Variants in DIAPH3 observed in about 807,000 individuals in gnomAD.
The protein encoded by DIAPH3 is protein diaphanous homolog 3.
Under a neutral mutation model 144.3 loss-of-function variants are expected in DIAPH3, and 117 were observed. The ratio of observed to expected loss-of-function variants is 0.81; its 90% CI spans 0.70 to 0.95. DIAPH3 has a LOEUF of 0.95. Ranked by LOEUF, DIAPH3 falls within the 40% of genes least tolerant of loss-of-function variation. The pLI is 0.00. For synonymous variants in DIAPH3, 519 were observed against 488.9 expected (o/e 1.06, Z -0.81); for missense variants, 1,421 against 1,412.7 (o/e 1.01, Z -0.09).
Position 59,703,844 on chromosome 13 carries a change from T to C in DIAPH3, c.3320-36998A>G, listed in dbSNP as rs2034261541. Among the ~76,000 whole-genome samples the C allele has an allele frequency of 2.0e-5, 3 of 152,186 alleles. No individual in the cohort carries two copies. In the South Asian group the frequency reaches 6.2e-4, roughly 32 times the overall value. On this transcript the variant is annotated intron_variant, in intron 27 of 27. Coordinates refer to ENST00000400324, the MANE Select transcript of DIAPH3 (RefSeq NM_001042517.2). ...ATGTATATATTAAAAAAACAAAATA[T>C]AAAAAGAAAACAAAAACCTAGGAGG...
At chr13:59,846,491 T>C (rs2042639469) in intron 22 of DIAPH3, among the ~76,000 whole-genome samples, 1 of 152,158 alleles carries the variant, frequency 6.6e-6, no homozygotes, top group African/African-American at 2.4e-5. Context: ...CCAAGCAATA[T>C]ATTTCTTCCT....
intron 24 of DIAPH3, among the ~76,000 whole-genome samples, chr13:59,824,951 A>G (rs1401140530): frequency 1.3e-5 from 2 of 152,178 alleles, no homozygotes; most frequent in East Asian, 1.9e-4. Context: ...AATGTATTCT[A>G]TATGAGAACA....
At chr13:59,884,830 C>G (rs2045330997) in intron 20 of DIAPH3, among the ~76,000 whole-genome samples, 1 of 148,322 alleles carries the variant, frequency 6.7e-6, no homozygotes, top group African/African-American at 2.5e-5. Context: ...AGGTAATACT[C>G]AGAATATCAA....
intron 22 of DIAPH3, among the ~76,000 whole-genome samples, chr13:59,859,275 A>G (rs760267083): frequency 5.9e-5 from 9 of 152,158 alleles, no homozygotes; most frequent in Admixed American, 6.6e-5. Context: ...ATACACAGAC[A>G]CTAGACTCCA....
At chr13:59,858,690 ATTAATT>A (rs2139909587) in intron 22 of DIAPH3, among the ~76,000 whole-genome samples, 1 of 152,318 alleles carries the variant, frequency 6.6e-6, no homozygotes, top group East Asian at 1.9e-4. Flanking sequence ...ACCTTTATAG[ATTAATT>A]TTAACTGCTT....
rs1333703096 is a variant in DIAPH3, at chr13:59,992,094, G to A, written c.1218C>T (p.Arg406=). 12 of 1,611,576 alleles carry A rather than the reference G, an allele frequency of 7.4e-6. No individual in the cohort carries two copies. The highest frequency in any genetic ancestry group is 4.4e-5 in the South Asian group (4 of 91,028). The change falls in exon 11 of 28, where the codon CGC becomes CGT. Residue 406 remains arginine, a synonymous_variant. Transcript: ENST00000400324. The part of the protein sequence containing the change: ...KEEDLFELSH[R]LEDIRAELDE... ...CAAGTTCAGCTCTAATATCTTCAAGGCGATGGGATAACTCAAACAAATCTT... is the reference window on the plus strand; with the variant it reads ...CAAGTTCAGCTCTAATATCTTCAAGACGATGGGATAACTCAAACAAATCTT...
chr13:59,934,385 T>G (rs1594044679), intron 17 of DIAPH3, among the ~76,000 whole-genome samples: 1 of 152,098 alleles, frequency 6.6e-6, no homozygotes, highest in Non-Finnish European at 1.5e-5. Context: ...AGTATGAAAA[T>G]AAGTATATCT....
chr13:59,983,936 T>C (rs1377942064), intron 12 of DIAPH3, 49 bp from the exon 13 acceptor site: 13 of 1,286,024 alleles, frequency 1.0e-5, no homozygotes, highest in Non-Finnish European at 1.2e-5. Flanking sequence ...TAGTGTAACT[T>C]TACATCAAAA....
chr13:59,931,721 A>G (rs1430640090), intron 17 of DIAPH3, among the ~76,000 whole-genome samples: 1 of 152,230 alleles, frequency 6.6e-6, no homozygotes, highest in Non-Finnish European at 1.5e-5. Flanking sequence ...CTCAGGCTTA[A>G]GCAATCAGAT....
Position 59,983,884 on chromosome 13 carries a change from T to G in DIAPH3, c.1365A>C (p.Gln455His). Reference sequence around the variant, plus strand: ...ACTCATCAATTAATTTGAAGTATTGTTGCCTAAAACCAAAGAAAAGAGTAA... The same window carrying G: ...ACTCATCAATTAATTTGAAGTATTGGTGCCTAAAACCAAAGAAAAGAGTAA... ...LLIRNDYFIR[Q>H]QYFKLIDECV... The change falls in exon 13 of 28, where the codon CAA becomes CAC. Residue 455 changes from glutamine (Q) to histidine (H), a missense_variant. Gln to His is a conservative substitution (Grantham distance 24, BLOSUM62 0). Coordinates refer to ENST00000400324, the MANE Select transcript of DIAPH3 (RefSeq NM_001042517.2). 1 of 1,593,230 alleles carries G rather than the reference T, an allele frequency of 6.3e-7. No individual in the cohort carries two copies. Among genetic ancestry groups the G allele is most frequent in the Non-Finnish European group, 8.6e-7 (1 of 1,162,548 alleles).
At chr13:59,945,289 T>C (rs1205609540) in intron 17 of DIAPH3, among the ~76,000 whole-genome samples, 1 of 152,164 alleles carries the variant, frequency 6.6e-6, no homozygotes, top group East Asian at 1.9e-4. Flanking sequence ...TTTACTTTCA[T>C]AGCACATTCA....
At chr13:60,017,814 T>C (rs1011038149) in intron 5 of DIAPH3, among the ~76,000 whole-genome samples, 1 of 152,202 alleles carries the variant, frequency 6.6e-6, no homozygotes, top group East Asian at 1.9e-4. Context: ...ATTGCTATTA[T>C]AGTTAAGGTA....
At chr13:59,675,219 C>A (rs538346800) in intron 27 of DIAPH3, among the ~76,000 whole-genome samples, 61 of 152,068 alleles carry the variant, frequency 4.0e-4, no homozygotes, top group African/African-American at 1.4e-3. Flanking sequence ...GCACGTATCA[C>A]CATGCCTGGC....
At chr13:60,064,610 G>A (rs1267031430) in intron 4 of DIAPH3, among the ~76,000 whole-genome samples, 3 of 152,184 alleles carry the variant, frequency 2.0e-5, no homozygotes, top group Non-Finnish European at 4.4e-5. Flanking sequence ...TTAAGAGAAT[G>A]TTGTAGCTAG....
At chr13:59,817,115 T>C (rs898686269) in intron 24 of DIAPH3, among the ~76,000 whole-genome samples, 32 of 151,904 alleles carry the variant, frequency 2.1e-4, no homozygotes, top group African/African-American at 7.5e-4. Flanking sequence ...TATTGAGATT[T>C]CATGGTCTCT....
chr13:59,928,278 C>G (rs2047851749), intron 17 of DIAPH3, among the ~76,000 whole-genome samples: 1 of 151,966 alleles, frequency 6.6e-6, no homozygotes, highest in Non-Finnish European at 1.5e-5. Flanking sequence ...TCATTCTAAT[C>G]AATTGTTTTC....
intron 20 of DIAPH3, among the ~76,000 whole-genome samples, chr13:59,897,293 A>T (rs1363964507): frequency 1.3e-5 from 2 of 152,242 alleles, no homozygotes; most frequent in Non-Finnish European, 2.9e-5. Context: ...ATGAGAAATG[A>T]AAGGACCTAA....
intron 14 of DIAPH3, among the ~76,000 whole-genome samples, chr13:59,978,016 T>A (rs1259216151): frequency 6.6e-6 from 1 of 151,748 alleles, no homozygotes; most frequent in African/African-American, 2.4e-5. Context: ...AAGGCTTCCC[T>A]GGCCACCCAT....
At chr13:59,836,859 TTAAG>T (rs1309394357) in intron 23 of DIAPH3, among the ~76,000 whole-genome samples, 1 of 151,950 alleles carries the variant, frequency 6.6e-6, no homozygotes, top group Non-Finnish European at 1.5e-5. Context: ...ATAACAAACT[TTAAG>T]TATATTTTAT....
Sources: allele counts gnomAD v4.1 joint callset (sites outside exome capture counted in the v4.1 genomes callset), GRCh38; gene constraint gnomAD v4.1.1; transcripts MANE v1.5; gene names NCBI Gene and HGNC (gene_info 2026-07-23, HGNC 2026-07-21).